Variants in LOC128462377 observed in about 807,000 individuals in gnomAD.
At chr16:89,406,904 C>T in the LOC128462377 span, among the ~76,000 whole-genome samples, 4 of 152,174 alleles carry the variant, frequency 2.6e-5, no homozygotes, top group African/African-American at 7.2e-5. Flanking sequence ...TCAGGCCGGA[C>T]GTGGTGGCTC....
the LOC128462377 span, among the ~76,000 whole-genome samples, chr16:89,347,928 G>C: frequency 6.6e-6 from 1 of 151,858 alleles, no homozygotes; most frequent in African/African-American, 2.4e-5. Context: ...TCATGAATAG[G>C]TATGGGATTT....
At chr16:89,354,243 C>CAAAAAAAAAA in the LOC128462377 span, among the ~76,000 whole-genome samples, 1 of 126,240 alleles carries the variant, frequency 7.9e-6, no homozygotes, top group Admixed American at 7.9e-5. Context: ...TGCATTCAGC[C>CAAAAAAAAAA]AAAAAAAAAA....
At chr16:89,322,265 C>G in the LOC128462377 span, among the ~76,000 whole-genome samples, 56 of 152,334 alleles carry the variant, frequency 3.7e-4, no homozygotes, top group Non-Finnish European at 6.6e-4. Flanking sequence ...GACAACATTA[C>G]CCTCCGAAGA....
At chr16:89,364,931 C>T in the LOC128462377 span, among the ~76,000 whole-genome samples, 1 of 152,222 alleles carries the variant, frequency 6.6e-6, no homozygotes, top group Admixed American at 6.5e-5. Context: ...GAGATCATTT[C>T]TTACAAAGCC....
At chr16:89,354,691 G>A in the LOC128462377 span, among the ~76,000 whole-genome samples, 1 of 152,236 alleles carries the variant, frequency 6.6e-6, no homozygotes, top group Non-Finnish European at 1.5e-5. Context: ...AGACCAGCCT[G>A]GCTAACACGG....
the LOC128462377 span, among the ~76,000 whole-genome samples, chr16:89,390,012 G>A: frequency 2.4e-5 from 2 of 84,698 alleles, no homozygotes; most frequent in African/African-American, 1.2e-4. Flanking sequence ...AGATCACTGG[G>A]GCGAACACCG....
the LOC128462377 span, among the ~76,000 whole-genome samples, chr16:89,406,515 G>A: frequency 3.3e-4 from 50 of 152,328 alleles, no homozygotes; most frequent in African/African-American, 1.2e-3. Context: ...GGCCATGCCC[G>A]GTGTCAGCAC....
the LOC128462377 span, among the ~76,000 whole-genome samples, chr16:89,356,329 A>T: frequency 6.9e-6 from 1 of 144,676 alleles, no homozygotes; most frequent in East Asian, 2.1e-4. Flanking sequence ...TCTCGGTGGC[A>T]AGCCATCCGC....
At chr16:89,334,298 A>T in the LOC128462377 span, among the ~76,000 whole-genome samples, 1 of 151,960 alleles carries the variant, frequency 6.6e-6, no homozygotes, top group South Asian at 2.1e-4. Context: ...GTCAACCCCC[A>T]GTGAGTGTAC....
At chr16:89,404,560 T>C in the LOC128462377 span, among the ~76,000 whole-genome samples, 4 of 152,330 alleles carry the variant, frequency 2.6e-5, no homozygotes, top group African/African-American at 9.6e-5. Context: ...AAAGCTGCTT[T>C]TGAAAACACT....
chr16:89,354,439 G>A, the LOC128462377 span, among the ~76,000 whole-genome samples: 4 of 152,296 alleles, frequency 2.6e-5, no homozygotes, highest in East Asian at 1.9e-4. Context: ...CTATGCCAGC[G>A]CAGTGCAGAG....
the LOC128462377 span, among the ~76,000 whole-genome samples, chr16:89,333,603 T>C: frequency 1.3e-5 from 2 of 152,060 alleles, no homozygotes; most frequent in Non-Finnish European, 2.9e-5. Flanking sequence ...GATGTCAGAG[T>C]CGGAACCCTA....
chr16:89,359,802 A>G, the LOC128462377 span, among the ~76,000 whole-genome samples: 4 of 152,214 alleles, frequency 2.6e-5, no homozygotes, highest in African/African-American at 2.4e-5. Context: ...ATGCAGAAAG[A>G]TAAGATAGTT....
At chr16:89,337,561 C>T in the LOC128462377 span, among the ~76,000 whole-genome samples, 7 of 150,520 alleles carry the variant, frequency 4.7e-5, no homozygotes, top group South Asian at 2.1e-4. Flanking sequence ...CTCAACCTCC[C>T]GAGTAGCTGG....
the LOC128462377 span, among the ~76,000 whole-genome samples, chr16:89,350,836 C>T: frequency 2.0e-5 from 3 of 152,154 alleles, no homozygotes; most frequent in Admixed American, 6.5e-5. Context: ...GTGGTATGTG[C>T]TACCATAAGA....
At chr16:89,346,787 G>A in the LOC128462377 span, among the ~76,000 whole-genome samples, 1 of 152,190 alleles carries the variant, frequency 6.6e-6, no homozygotes, top group Non-Finnish European at 1.5e-5. Context: ...TCCCAATAAA[G>A]AGACTCTAAA....
chr16:89,341,647 G>T, the LOC128462377 span, among the ~76,000 whole-genome samples: 1 of 152,204 alleles, frequency 6.6e-6, no homozygotes, highest in Non-Finnish European at 1.5e-5. Flanking sequence ...TTAACACTGG[G>T]AGCAATGCCA....
the LOC128462377 span, among the ~76,000 whole-genome samples, chr16:89,399,373 T>G: frequency 2.0e-5 from 3 of 152,040 alleles, no homozygotes; most frequent in Non-Finnish European, 4.4e-5. Context: ...AAAAGGACCA[T>G]AGACGCATGC....
chr16:89,380,776 C>T, the LOC128462377 span, among the ~76,000 whole-genome samples: 5 of 152,212 alleles, frequency 3.3e-5, no homozygotes, highest in Admixed American at 1.3e-4. Context: ...ATCTCCTGCA[C>T]GGGCAGCAGG....
Sources: gnomAD v4.1 joint callset for allele counts (sites outside exome capture counted in the v4.1 genomes callset) on GRCh38, gnomAD v4.1.1 for gene constraint, MANE v1.5 for transcripts.